Variants in DZANK1 observed in about 807,000 individuals in gnomAD.
DZANK1 encodes the protein double zinc ribbon and ankyrin repeat-containing protein 1.
In DZANK1, 91 loss-of-function variants were observed where a neutral mutation model predicts 94.5. The observed-to-expected ratio is 0.96, with a 90% CI of 0.81 to 1.15. DZANK1 has a LOEUF of 1.15. Ranked by LOEUF, DZANK1 falls within the 50% of genes most tolerant of loss-of-function variation. The pLI, the probability that DZANK1 is intolerant of heterozygous loss-of-function variation, is 0.00. For missense variants in DZANK1, 903 were observed against 916.4 expected, an observed-to-expected ratio of 0.99 and a Z score of 0.19; for synonymous variants, 312 against 325.3, an observed-to-expected ratio of 0.96 and a Z score of 0.44.
chr20:18,412,846 C>G (rs760253673), intron 12 of DZANK1: 1 of 1,613,766 alleles, frequency 6.2e-7, no homozygotes, highest in Non-Finnish European at 8.5e-7. Context: ...CTGCCAGGCA[C>G]ATCGGGGCCA....
intron 10 of DZANK1, among the ~76,000 whole-genome samples, chr20:18,424,495 G>C (rs1369978636): frequency 6.7e-6 from 1 of 148,806 alleles, no homozygotes; most frequent in East Asian, 2.0e-4. Context: ...GAAAAGAAAA[G>C]AAAAAAATGA....
Position 18,427,066 on chromosome 20 carries a change from C to T in DZANK1, c.954+1G>A, listed in dbSNP as rs1480171082. On this transcript the variant is annotated splice_donor_variant, in intron 10 of 20. Coordinates refer to ENST00000262547, the Ensembl canonical transcript of DZANK1. LOFTEE classifies it high-confidence loss of function. ...AGGATTGGCACATGCAATCAACCTA[C>T]CTCTTGTGATGAAGGCAGGGCCCCC... is the stretch of plus-strand genomic sequence containing the variant. 1 of 1,607,590 alleles carries T rather than the reference C, an allele frequency of 6.2e-7. No individual in the cohort carries two copies. Among genetic ancestry groups the T allele is most frequent in the Non-Finnish European group, 8.5e-7 (1 of 1,175,464 alleles).
rs1042032910 is a variant in DZANK1, at chr20:18,394,531, G to A, written c.1612-181C>T. ...CTCACCTCCCCAGCATGCTTTGTCC[G>A]TTCTGCCCCTTACCCGCGGCTCAGT... is the stretch of plus-strand genomic sequence containing the variant. On this transcript the variant is annotated intron_variant, in intron 15 of 20. Coordinates refer to ENST00000262547, the Ensembl canonical transcript of DZANK1. 4.2e-5 allele frequency: 30 copies of A among 711,058 alleles called. No individual in the cohort carries two copies. The Middle Eastern group carries it at 9.5e-4, about 23-fold the overall frequency. 44.0% of individuals were successfully genotyped at this position (711,058 alleles called of 1,614,324 possible).
At chr20:18,402,418 C>G (rs912791383) in intron 13 of DZANK1, among the ~76,000 whole-genome samples, 1 of 151,996 alleles carries the variant, frequency 6.6e-6, no homozygotes, top group African/African-American at 2.4e-5. Flanking sequence ...TGGTACATGA[C>G]CTTTCTCTAG....
chr20:18,384,604 T>C (rs1463208939), intron 20 of DZANK1, 40 bp from the exon 21 acceptor site: 4 of 1,538,272 alleles, frequency 2.6e-6, no homozygotes, highest in Non-Finnish European at 1.8e-6. Flanking sequence ...ACTGAAGGAC[T>C]TGAACATGTG....
chr20:18,412,711 T>C, exon 13 of DZANK1: 1 of 1,613,644 alleles, frequency 6.2e-7, no homozygotes. Flanking sequence ...CCTCTGCTTT[T>C]GAGAGGCTAG....
chr20:18,456,619 T>G (rs185116442), intron 3 of DZANK1, among the ~76,000 whole-genome samples: 191 of 152,186 alleles, frequency 1.3e-3, no homozygotes, highest in African/African-American at 4.4e-3. Context: ...GTTTCCTATC[T>G]CTATAGTTTT....
intron 19 of DZANK1, among the ~76,000 whole-genome samples, chr20:18,387,109 C>T (rs2048540708): frequency 6.6e-6 from 1 of 152,170 alleles, no homozygotes; most frequent in Admixed American, 6.5e-5. Context: ...TCACTTCACC[C>T]CTATGGTTCC....
chr20:18,393,778 A>C (rs746086536), exon 17 of DZANK1: 1 of 1,613,322 alleles, frequency 6.2e-7, no homozygotes, highest in Non-Finnish European at 8.5e-7. Context: ...GATTTTTTCA[A>C]TAGTATCTGA....
exon 14 of DZANK1, chr20:18,398,545 A>G (rs200789965): frequency 2.5e-6 from 4 of 1,613,978 alleles, no homozygotes; most frequent in Admixed American, 1.7e-5. Context: ...GGGTTCTGCA[A>G]TCAAGGCCCG....
At chr20:18,394,871 A>C (rs1241362877) in intron 15 of DZANK1, 1 of 456,714 alleles carries the variant, frequency 2.2e-6, no homozygotes, top group Non-Finnish European at 4.4e-6. Context: ...GGAAAGTGGA[A>C]ATAATATGAC....
At chr20:18,410,414 C>T (rs1178982170) in intron 13 of DZANK1, among the ~76,000 whole-genome samples, 2 of 151,930 alleles carry the variant, frequency 1.3e-5, no homozygotes, top group Non-Finnish European at 2.9e-5. Flanking sequence ...AAGGAAATAA[C>T]TCAAAGTATG....
intron 19 of DZANK1, among the ~76,000 whole-genome samples, chr20:18,385,739 C>T (rs1022795955): frequency 6.6e-5 from 10 of 152,136 alleles, no homozygotes; most frequent in African/African-American, 2.4e-4. Context: ...AGTAGCTTCT[C>T]AGGGCTGAAG....
intron 13 of DZANK1, among the ~76,000 whole-genome samples, chr20:18,400,407 C>T (rs887891225): frequency 2.6e-5 from 4 of 152,234 alleles, no homozygotes; most frequent in African/African-American, 7.2e-5. Flanking sequence ...CTCCCCGGCT[C>T]CCTTGCCCAT....
At chr20:18,396,277 T>G (rs2056335474) in intron 15 of DZANK1, among the ~76,000 whole-genome samples, 195 bp downstream of exon 15, 1 of 152,248 alleles carries the variant, frequency 6.6e-6, no homozygotes, top group African/African-American at 2.4e-5. Flanking sequence ...ACAACTCCTG[T>G]TCTCACTATA....
At chr20:18,461,853 GC>G (rs2148819436) in intron 2 of DZANK1, among the ~76,000 whole-genome samples, 1 of 152,146 alleles carries the variant, frequency 6.6e-6, no homozygotes, top group Non-Finnish European at 1.5e-5. Context: ...GCCCACCTCA[GC>G]CTCCCAAAGT....
chr20:18,404,839 G>T (rs1333294339), intron 13 of DZANK1, among the ~76,000 whole-genome samples: 2 of 152,018 alleles, frequency 1.3e-5, no homozygotes, highest in African/African-American at 2.4e-5. Flanking sequence ...TTGAGCCCAA[G>T]ATTTGGAGGC....
intron 13 of DZANK1, among the ~76,000 whole-genome samples, chr20:18,400,599 G>A (rs2056619605): frequency 6.6e-6 from 1 of 152,222 alleles, no homozygotes; most frequent in African/African-American, 2.4e-5. Flanking sequence ...GCAATGATGG[G>A]TGAAACCATC....
intron 13 of DZANK1, among the ~76,000 whole-genome samples, chr20:18,404,596 A>G (rs1196283174): frequency 6.6e-6 from 1 of 152,248 alleles, no homozygotes; most frequent in Admixed American, 6.5e-5. Flanking sequence ...CAAAAAAATC[A>G]TGAGACATGC....
Sources: allele counts gnomAD v4.1 joint callset (sites outside exome capture counted in the v4.1 genomes callset), GRCh38; gene constraint gnomAD v4.1.1; transcripts MANE v1.5; gene names NCBI Gene and HGNC (gene_info 2026-07-23, HGNC 2026-07-21).